ZNF514: variants seen among roughly 807,000 people sequenced by gnomAD.
ZNF514 encodes zinc finger protein 514.
In ZNF514, 12 loss-of-function variants were observed where a neutral mutation model predicts 9.7. The ratio of observed to expected loss-of-function variants is 1.24; its 90% CI spans 0.79 to 2.01. ZNF514 has a LOEUF of 2.01. ZNF514 is among the 30% of genes most tolerant of loss of function. ZNF514 has a pLI of 0.00. For missense variants in ZNF514, 467 were observed against 465.5 expected, an observed-to-expected ratio of 1.00 and a Z score of -0.03; for synonymous variants, 158 against 163.7, an observed-to-expected ratio of 0.97 and a Z score of 0.27.
At chr2:95,153,087 A>T in intron 3 of ZNF514, 46 bp downstream of exon 3, 1 of 1,583,060 alleles carries the variant, frequency 6.3e-7, no homozygotes, top group African/African-American at 1.3e-5. Flanking sequence ...AACATCAAGG[A>T]AATCAAGAAG....
chr2:95,124,437 C>A, the ZNF514 span, among the ~76,000 whole-genome samples: 2 of 152,012 alleles, frequency 1.3e-5, no homozygotes, highest in African/African-American at 4.8e-5. Flanking sequence ...TTTGTTTAAC[C>A]ATTCACCCAT....
At chr2:95,129,809 C>T in the ZNF514 span, among the ~76,000 whole-genome samples, 2 of 152,076 alleles carry the variant, frequency 1.3e-5, no homozygotes, top group Admixed American at 6.6e-5. Context: ...CCTCAAGGAA[C>T]TGACTTTATT....
chr2:95,135,813 T>C, the ZNF514 span, among the ~76,000 whole-genome samples: 1 of 152,128 alleles, frequency 6.6e-6, no homozygotes, highest in East Asian at 1.9e-4. Flanking sequence ...GGCTCATGCC[T>C]GTAATCCCAG....
Position 95,149,151 on chromosome 2 carries a change from T to A in ZNF514, c.*131A>T. On this transcript the variant is annotated 3_prime_UTR_variant, in exon 5 of 5. Coordinates refer to ENST00000295208, the MANE Select transcript of ZNF514 (RefSeq NM_032788.3). ...ATTGACAGGGATTCTCTTTAGTAAT[T>A]ATTGCCTGATGTGGAACAAGATGTG... 1 of 1,165,806 alleles carries A rather than the reference T, an allele frequency of 8.6e-7. No individual in the cohort carries two copies. The highest frequency in any genetic ancestry group is 1.2e-6 in the Non-Finnish European group (1 of 840,514). 72.2% of individuals were successfully genotyped at this position (1,165,806 alleles called of 1,614,324 possible).
the ZNF514 span, among the ~76,000 whole-genome samples, chr2:95,129,088 C>G: frequency 6.6e-6 from 1 of 152,178 alleles, no homozygotes; most frequent in East Asian, 1.9e-4. Flanking sequence ...CTGTTGGTGA[C>G]ATTTTTAGCC....
chr2:95,137,762 A>G, the ZNF514 span, among the ~76,000 whole-genome samples: 1 of 152,240 alleles, frequency 6.6e-6, no homozygotes, highest in Non-Finnish European at 1.5e-5. Context: ...CCAAACTTTT[A>G]TAGCAAGTGA....
At chr2:95,132,358 G>C in the ZNF514 span, among the ~76,000 whole-genome samples, 1 of 151,998 alleles carries the variant, frequency 6.6e-6, no homozygotes, top group Non-Finnish European at 1.5e-5. Flanking sequence ...AGGCAAAGAC[G>C]TACATGAAAA....
At chr2:95,130,513 G>A in the ZNF514 span, among the ~76,000 whole-genome samples, 4 of 152,156 alleles carry the variant, frequency 2.6e-5, no homozygotes, top group Non-Finnish European at 5.9e-5. Context: ...CTGCAATCTC[G>A]ACCATAAGAG....
chr2:95,130,483 G>A, the ZNF514 span, among the ~76,000 whole-genome samples: 1 of 152,232 alleles, frequency 6.6e-6, no homozygotes, highest in Non-Finnish European at 1.5e-5. Context: ...TGCTATGGGA[G>A]ACTGGAGTTT....
chr2:95,134,554 T>C, the ZNF514 span, among the ~76,000 whole-genome samples: 1 of 152,168 alleles, frequency 6.6e-6, no homozygotes, highest in Non-Finnish European at 1.5e-5. Context: ...TGTGCACCCA[T>C]GAACAGAGGC....
chr2:95,147,168 G>A lies in ZNF514; in HGVS notation c.*2114C>T, dbSNP rs1455546149. ...TCCACCTGAGTTACAGAGCCAACAT[G>A]GTAGGAACTTTAAAGCAGAGCCTGA... On this transcript the variant is annotated 3_prime_UTR_variant, in exon 5 of 5. Transcript: ENST00000295208. 6.6e-6 allele frequency among the ~76,000 whole-genome samples: 1 copy of A among 152,170 alleles called. No homozygotes were observed. Among genetic ancestry groups the A allele is most frequent in the Admixed American group, 6.5e-5 (1 of 15,276 alleles).
the ZNF514 span, among the ~76,000 whole-genome samples, chr2:95,138,820 C>A: frequency 6.6e-6 from 1 of 152,190 alleles, no homozygotes; most frequent in Admixed American, 6.5e-5. Flanking sequence ...ATAGCCAAGA[C>A]AATGGGAAAA....
At chr2:95,131,885 G>C in the ZNF514 span, among the ~76,000 whole-genome samples, 7 of 152,160 alleles carry the variant, frequency 4.6e-5, no homozygotes, top group Admixed American at 4.6e-4. Flanking sequence ...GCTCACACCT[G>C]TAATCACAGC....
intron 4 of ZNF514, 146 bp from the exon 5 acceptor site, chr2:95,150,413 G>A (rs1158672589): frequency 9.1e-6 from 8 of 883,118 alleles, no homozygotes; most frequent in Non-Finnish European, 1.3e-5. Flanking sequence ...TTCAATAATG[G>A]CTTATGTCTG....
At position 95,145,847 on chromosome 2, in the gene ZNF514, C is replaced by T. The variant is rs574614657; in HGVS notation, c.*3435G>A. Reference sequence around the variant, plus strand: ...CGTCAGTTTGAACCCAGTGTCCTGCCCTCCAAAAATCCTTTGCACTTCCTA... The same window carrying T: ...CGTCAGTTTGAACCCAGTGTCCTGCTCTCCAAAAATCCTTTGCACTTCCTA... On this transcript the variant is annotated 3_prime_UTR_variant, in exon 5 of 5. Transcript: ENST00000295208. Among the ~76,000 whole-genome samples, 1 of 152,288 alleles carries T rather than the reference C, an allele frequency of 6.6e-6. No homozygotes were observed. The highest frequency in any genetic ancestry group is 1.5e-5 in the Non-Finnish European group (1 of 68,026).
At chr2:95,158,374 C>T (rs759430647) in intron 1 of ZNF514, among the ~76,000 whole-genome samples, 1 of 152,204 alleles carries the variant, frequency 6.6e-6, no homozygotes, top group African/African-American at 2.4e-5. Context: ...GAAGGATGAA[C>T]AGTCGGATTA....
At chr2:95,158,768 C>T (rs1194262148) in intron 1 of ZNF514, 1 of 1,195,876 alleles carries the variant, frequency 8.4e-7, no homozygotes, top group Non-Finnish European at 1.1e-6. Context: ...CATCTAGAGA[C>T]CCCTGCCAGA....
chr2:95,128,551 G>A, the ZNF514 span, among the ~76,000 whole-genome samples: 3 of 151,760 alleles, frequency 2.0e-5, no homozygotes, highest in Non-Finnish European at 2.9e-5. Context: ...GTGAGACTCC[G>A]TCTCAAGAAA....
At chr2:95,151,065 A>G (rs1673525418) in intron 4 of ZNF514, among the ~76,000 whole-genome samples, 1 of 152,180 alleles carries the variant, frequency 6.6e-6, no homozygotes, top group Non-Finnish European at 1.5e-5. Flanking sequence ...AACATGTATC[A>G]TATTACTCTA....
Sources: gnomAD v4.1 joint callset for allele counts (sites outside exome capture counted in the v4.1 genomes callset) on GRCh38, gnomAD v4.1.1 for gene constraint, MANE v1.5 for transcripts, NCBI Gene and HGNC (gene_info 2026-07-23, HGNC 2026-07-21) for gene names.